SUGCT: variants seen among roughly 807,000 people sequenced by gnomAD.
The protein encoded by SUGCT is succinyl-CoA:glutarate CoA-transferase.
SUGCT carries 41 observed loss-of-function variants against 55.0 expected under a neutral mutation model. The observed-to-expected ratio is 0.74, with a 90% confidence interval of 0.58 to 0.97. SUGCT has a LOEUF of 0.97. Ranked by LOEUF, SUGCT falls within the 50% of genes least tolerant of loss-of-function variation. The probability of loss-of-function intolerance (pLI) is 0.00; values close to 1 mark genes in which losing one functional copy is unlikely to be tolerated. For missense variants in SUGCT, 568 were observed against 547.8 expected, an observed-to-expected ratio of 1.04 and a Z score of -0.37; for synonymous variants, 187 against 200.4, an observed-to-expected ratio of 0.93 and a Z score of 0.56.
chr7:40,249,500 T>C (rs935855041), intron 7 of SUGCT, among the ~76,000 whole-genome samples: 1 of 149,354 alleles, frequency 6.7e-6, no homozygotes. Context: ...TCACGCTTAA[T>C]AAATATTATA....
At chr7:40,876,106 C>T in the SUGCT span, among the ~76,000 whole-genome samples, 14 of 152,168 alleles carry the variant, frequency 9.2e-5, no homozygotes, top group Non-Finnish European at 1.6e-4. Context: ...ATGAAACATA[C>T]ATTTACTTAT....
intron 9 of SUGCT, among the ~76,000 whole-genome samples, chr7:40,359,175 G>A (rs1315571510): frequency 6.6e-6 from 1 of 152,058 alleles, no homozygotes; most frequent in Admixed American, 6.6e-5. Flanking sequence ...ATGTATGTAT[G>A]TATGTATGTA....
At chr7:40,506,248 T>C (rs1385458385) in intron 12 of SUGCT, among the ~76,000 whole-genome samples, 4 of 152,186 alleles carry the variant, frequency 2.6e-5, no homozygotes, top group Admixed American at 1.3e-4. Context: ...CCATCTTTTT[T>C]GAAAAATATT....
chr7:40,620,640 T>C (rs934140833), intron 12 of SUGCT, among the ~76,000 whole-genome samples: 8 of 152,048 alleles, frequency 5.3e-5, no homozygotes, highest in African/African-American at 1.9e-4. Flanking sequence ...TGAACTCAGG[T>C]GATCCATCCA....
chr7:40,972,826 G>A, the SUGCT span, among the ~76,000 whole-genome samples: 3 of 152,250 alleles, frequency 2.0e-5, no homozygotes, highest in Middle Eastern at 3.4e-3. Flanking sequence ...GAAATTACTG[G>A]ACCAAAGGGT....
chr7:40,176,343 G>A (rs1350149203), intron 1 of SUGCT, among the ~76,000 whole-genome samples: 1 of 152,146 alleles, frequency 6.6e-6, no homozygotes, highest in Non-Finnish European at 1.5e-5. Flanking sequence ...AAGCTTCATA[G>A]TGGAAATATT....
chr7:40,728,074 TGAAGAATATTAG>T (rs1252721322), intron 12 of SUGCT, among the ~76,000 whole-genome samples: 1 of 152,232 alleles, frequency 6.6e-6, no homozygotes, highest in Non-Finnish European at 1.5e-5. Context: ...TTAAAAAAGA[TGAAGAATATTAG>T]GATTGTTTAG....
chr7:40,602,521 A>C (rs1200697410), intron 12 of SUGCT, among the ~76,000 whole-genome samples: 3 of 152,244 alleles, frequency 2.0e-5, no homozygotes, highest in East Asian at 3.9e-4. Context: ...TATTCACAAG[A>C]AACACTTGTG....
At chr7:40,605,352 G>A (rs575084332) in intron 12 of SUGCT, among the ~76,000 whole-genome samples, 2 of 152,154 alleles carry the variant, frequency 1.3e-5, no homozygotes, top group East Asian at 3.9e-4. Flanking sequence ...GACACAAATG[G>A]ACCCACACAA....
chr7:40,455,799 T>G (rs528685931), intron 10 of SUGCT, among the ~76,000 whole-genome samples: 8 of 152,306 alleles, frequency 5.3e-5, no homozygotes, highest in Non-Finnish European at 1.0e-4. Context: ...TGCAAAGATC[T>G]TTTATTTCAG....
At chr7:40,851,929 C>T (rs1793873682) in intron 13 of SUGCT, among the ~76,000 whole-genome samples, 1 of 152,122 alleles carries the variant, frequency 6.6e-6, no homozygotes, top group East Asian at 1.9e-4. Context: ...TTTTTAAAAC[C>T]TCAGCATCAG....
intron 9 of SUGCT, among the ~76,000 whole-genome samples, chr7:40,416,375 A>G (rs1787001771): frequency 6.6e-6 from 1 of 151,792 alleles, no homozygotes; most frequent in Admixed American, 6.6e-5. Context: ...CCAAATTTGA[A>G]TAATAGTGGT....
intron 11 of SUGCT, among the ~76,000 whole-genome samples, chr7:40,485,158 A>C (rs1489854264): frequency 3.0e-4 from 46 of 151,960 alleles, no homozygotes; most frequent in Non-Finnish European, 1.5e-5. Flanking sequence ...GATTTTTATG[A>C]AGATCCTATT....
chr7:40,523,005 C>G (rs1460520821), intron 12 of SUGCT, among the ~76,000 whole-genome samples: 1 of 151,914 alleles, frequency 6.6e-6, no homozygotes, highest in Non-Finnish European at 1.5e-5. Flanking sequence ...ATGAAGCTGA[C>G]AAAATATGGG....
chr7:40,599,855 A>G (rs1309241469), intron 12 of SUGCT, among the ~76,000 whole-genome samples: 1 of 152,062 alleles, frequency 6.6e-6, no homozygotes, highest in African/African-American at 2.4e-5. Flanking sequence ...GGAGTGCTAT[A>G]TGGATACTGG....
chr7:40,969,850 C>A, the SUGCT span, among the ~76,000 whole-genome samples: 1 of 152,154 alleles, frequency 6.6e-6, no homozygotes, highest in Non-Finnish European at 1.5e-5. Context: ...TAAAGTATCT[C>A]TTAGTATGCT....
the SUGCT span, among the ~76,000 whole-genome samples, chr7:40,914,783 A>G: frequency 6.6e-6 from 1 of 152,172 alleles, no homozygotes; most frequent in African/African-American, 2.4e-5. Flanking sequence ...AATTCAGGAT[A>G]TTGAAACACA....
chr7:40,439,534 G>A (rs1333407425), intron 9 of SUGCT, among the ~76,000 whole-genome samples: 1 of 152,164 alleles, frequency 6.6e-6, no homozygotes, highest in East Asian at 1.9e-4. Flanking sequence ...GCTGAGAGAT[G>A]ATAGAGAAAG....
chr7:40,922,299 G>A, the SUGCT span, among the ~76,000 whole-genome samples: 1 of 152,162 alleles, frequency 6.6e-6, no homozygotes, highest in Admixed American at 6.5e-5. Context: ...GTTTCACCTG[G>A]CTTCCCTGGT....
Sources: allele counts gnomAD v4.1 joint callset (sites outside exome capture counted in the v4.1 genomes callset), GRCh38; gene constraint gnomAD v4.1.1; transcripts MANE v1.5; gene names NCBI Gene and HGNC (gene_info 2026-07-23, HGNC 2026-07-21).